Variants in PRKN observed in about 807,000 individuals in gnomAD.
PRKN encodes the protein E3 ubiquitin-protein ligase parkin.
Under a neutral mutation model 59.5 loss-of-function variants are expected in PRKN, and 56 were observed. The observed-to-expected ratio is 0.94, with a 90% CI of 0.76 to 1.18. PRKN has a LOEUF of 1.18. Ranked by LOEUF, PRKN falls within the 50% of genes most tolerant of loss-of-function variation. The pLI is 0.00. For synonymous variants in PRKN, 250 were observed against 222.1 expected (o/e 1.13, Z -1.12); for missense variants, 657 against 596.4 (o/e 1.10, Z -1.06).
At chr6:162,581,632 GC>G (rs1780796026) in intron 1 of PRKN, among the ~76,000 whole-genome samples, 1 of 152,156 alleles carries the variant, frequency 6.6e-6, no homozygotes, top group Non-Finnish European at 1.5e-5. Context: ...GTAGTGACAG[GC>G]GACTGTAATC....
intron 7 of PRKN, among the ~76,000 whole-genome samples, chr6:161,683,706 T>C (rs149631821): frequency 6.6e-6 from 1 of 152,324 alleles, no homozygotes; most frequent in African/African-American, 2.4e-5. Context: ...TAAGGACTCC[T>C]GAAATTGAAG....
rs576639014 is a variant in PRKN, at chr6:161,607,341, A to T, written c.872-37925T>A. 2.6e-5 allele frequency among the ~76,000 whole-genome samples: 4 copies of T among 152,364 alleles called. No homozygotes were observed. The South Asian group carries it at 8.3e-4, about 32-fold the overall frequency. Reference sequence around the variant, plus strand: ...AAGCAAATGAAGACAAGACATCTGGAGAAAGTCTTCAGTACCAAAGGTAAG... The same window carrying T: ...AAGCAAATGAAGACAAGACATCTGGTGAAAGTCTTCAGTACCAAAGGTAAG... On this transcript the variant is annotated intron_variant, in intron 7 of 11. Coordinates refer to ENST00000366898, the MANE Select transcript of PRKN (RefSeq NM_004562.3).
At chr6:161,707,281 A>G (rs13205776) in intron 7 of PRKN, among the ~76,000 whole-genome samples, 63,415 of 151,896 alleles carry the variant, frequency 0.42, 13,742 homozygotes, top group Admixed American at 0.6. Flanking sequence ...GTTATAAGAG[A>G]AAGACAGAGA....
rs11311692 is a variant in PRKN at position 161,458,913 on chromosome 6, GT to G, written c.1084-72037del. ...TATAATTACCAGAAGCCATTTTCAT[GT>G]TTTTTTTTTTCTTTTTAAAGTGCAT... is the stretch of plus-strand genomic sequence containing the variant. On this transcript the variant is annotated intron_variant, in intron 9 of 11. Transcript: ENST00000366898. The surrounding 1 kb of genome is among the most constrained non-coding windows in gnomAD (Gnocchi z 6.1). Among the ~76,000 whole-genome samples, 44,934 of 148,780 alleles carry G rather than the reference GT, an allele frequency of 0.3. 7,996 individuals carry two copies. Among genetic ancestry groups the G allele is most frequent in the African/African-American group, 0.51 (20,743 of 40,874 alleles).
At chr6:162,227,557 G>A (rs1226302058) in intron 3 of PRKN, among the ~76,000 whole-genome samples, 1 of 152,148 alleles carries the variant, frequency 6.6e-6, no homozygotes, top group Non-Finnish European at 1.5e-5. Context: ...GCGCAAATAT[G>A]TGAGTCCCAA....
intron 7 of PRKN, among the ~76,000 whole-genome samples, chr6:161,633,892 C>T (rs1397550624): frequency 6.6e-6 from 1 of 151,990 alleles, no homozygotes; most frequent in Non-Finnish European, 1.5e-5. Context: ...TCCAAAATGT[C>T]TCCTGTCAGA....
chr6:162,483,943 C>T (rs1225146430), intron 1 of PRKN, among the ~76,000 whole-genome samples: 1 of 152,164 alleles, frequency 6.6e-6, no homozygotes, highest in Non-Finnish European at 1.5e-5. Flanking sequence ...GAATACCATA[C>T]ATTCTTGAAA....
intron 9 of PRKN, among the ~76,000 whole-genome samples, chr6:161,510,874 T>C (rs1778360156): frequency 6.6e-6 from 1 of 152,174 alleles, no homozygotes. Flanking sequence ...CTTTCCCCTG[T>C]GGCCATTTTT....
At chr6:162,509,649 A>T (rs113696108) in intron 1 of PRKN, among the ~76,000 whole-genome samples, 189 of 152,342 alleles carry the variant, frequency 1.2e-3, no homozygotes, top group South Asian at 4.8e-3. Flanking sequence ...TAGAAAAGTT[A>T]CAGAGATAGC....
At chr6:162,535,218 G>A (rs1562364529) in intron 1 of PRKN, among the ~76,000 whole-genome samples, 2 of 152,056 alleles carry the variant, frequency 1.3e-5, no homozygotes, top group African/African-American at 2.4e-5. Context: ...CAGCTCAGAG[G>A]GGATGGCTGG....
At chr6:161,924,161 T>C (rs1306177174) in intron 6 of PRKN, among the ~76,000 whole-genome samples, 2 of 152,178 alleles carry the variant, frequency 1.3e-5, no homozygotes, top group African/African-American at 4.8e-5. Flanking sequence ...TCAGATATTT[T>C]AGGTCAAGAG....
At chr6:162,577,608 T>TA (rs1554247865) in intron 1 of PRKN, among the ~76,000 whole-genome samples, 1 of 137,078 alleles carries the variant, frequency 7.3e-6, no homozygotes, top group East Asian at 2.2e-4. Flanking sequence ...TCAAAATAAA[T>TA]AAATAAAATA....
chr6:161,652,024 C>T (rs1230025274), intron 7 of PRKN, among the ~76,000 whole-genome samples: 1 of 152,214 alleles, frequency 6.6e-6, no homozygotes, highest in Non-Finnish European at 1.5e-5. Flanking sequence ...AACCAATTTA[C>T]AAATTATTTT....
chr6:161,851,076 T>C (rs1282544933), intron 6 of PRKN, among the ~76,000 whole-genome samples: 1 of 152,252 alleles, frequency 6.6e-6, no homozygotes, highest in Non-Finnish European at 1.5e-5. Flanking sequence ...GTTGGACACT[T>C]AATCCCTGAT....
intron 1 of PRKN, among the ~76,000 whole-genome samples, chr6:162,724,787 C>A (rs143125675): frequency 2.4e-3 from 364 of 152,288 alleles, no homozygotes; most frequent in Middle Eastern, 6.8e-3. Context: ...TTTATAGACT[C>A]TTGTTCTCTG....
intron 11 of PRKN, among the ~76,000 whole-genome samples, chr6:161,350,900 T>C (rs1374772882): frequency 1.1e-5 from 1 of 94,954 alleles, no homozygotes; most frequent in African/African-American, 4.6e-5. Flanking sequence ...AAAATATATA[T>C]AAATATATTT....
rs541542380 is a variant in PRKN, at chr6:162,720,536, C to T, written c.7+7126G>A. On this transcript the variant is annotated intron_variant, in intron 1 of 11. Transcript: ENST00000366898. Reference sequence around the variant, plus strand: ...CGCAATCTCGGCTCACTGCAAGCTCCGCTTCCCGGGTTCACGCCATTCTCC... The same window carrying T: ...CGCAATCTCGGCTCACTGCAAGCTCTGCTTCCCGGGTTCACGCCATTCTCC... 5.1e-3 allele frequency among the ~76,000 whole-genome samples: 755 copies of T among 147,174 alleles called. 6 individuals are homozygous for T. The highest frequency in any genetic ancestry group is 0.017 in the African/African-American group (687 of 39,652).
chr6:162,100,774 C>T (rs1195511766), intron 4 of PRKN, among the ~76,000 whole-genome samples: 1 of 152,126 alleles, frequency 6.6e-6, no homozygotes, highest in Non-Finnish European at 1.5e-5. Flanking sequence ...GCCATCCTAA[C>T]AGGTATGAGG....
intron 7 of PRKN, among the ~76,000 whole-genome samples, chr6:161,723,183 G>A (rs1046465539): frequency 6.6e-6 from 1 of 151,466 alleles, no homozygotes; most frequent in African/African-American, 2.4e-5. Flanking sequence ...CAGGAGAATC[G>A]CTTGAACCCC....
Sources: gnomAD v4.1 joint callset for allele counts (sites outside exome capture counted in the v4.1 genomes callset) on GRCh38, gnomAD v4.1.1 for gene constraint, Gnocchi (gnomAD v3.1) non-coding constraint, MANE v1.5 for transcripts, NCBI Gene and HGNC (gene_info 2026-07-23, HGNC 2026-07-21) for gene names.